Variants in ARMH4 observed in about 807,000 individuals in gnomAD.
ARMH4 encodes the protein armadillo like helical domain containing 4.
A neutral mutation model predicts 61.9 loss-of-function variants in ARMH4; 49 were observed. The observed-to-expected ratio is 0.79, with a 90% CI of 0.63 to 1.00. The LOEUF (loss-of-function observed/expected upper bound fraction) is 1.00, where lower values mean the gene tolerates loss of function less well. ARMH4 is among the 50% of genes least tolerant of loss of function. ARMH4 has a pLI of 0.00. For missense variants in ARMH4, 934 were observed against 930.0 expected (o/e 1.00, Z -0.06); for synonymous variants, 368 against 341.5 (o/e 1.08, Z -0.85).
chr14:58,098,274 T>G (rs1037772255), intron 4 of ARMH4, among the ~76,000 whole-genome samples: 2 of 152,316 alleles, frequency 1.3e-5, no homozygotes, highest in Middle Eastern at 3.4e-3. Flanking sequence ...TATTCTTATA[T>G]GTCCTTTAAC....
At chr14:58,129,394 G>T (rs1887008957) in intron 4 of ARMH4, among the ~76,000 whole-genome samples, 1 of 152,126 alleles carries the variant, frequency 6.6e-6, no homozygotes, top group South Asian at 2.1e-4. Flanking sequence ...CCAGAGAAAT[G>T]CTCCTGCCCC....
intron 6 of ARMH4, among the ~76,000 whole-genome samples, chr14:58,009,446 T>C (rs934549099): frequency 6.6e-6 from 1 of 152,076 alleles, no homozygotes; most frequent in Non-Finnish European, 1.5e-5. Flanking sequence ...GAGCATCACA[T>C]AGAAGAAGCT....
At chr14:58,041,031 G>A (rs370216571) in intron 5 of ARMH4, among the ~76,000 whole-genome samples, 36 of 152,314 alleles carry the variant, frequency 2.4e-4, no homozygotes, top group African/African-American at 7.5e-4. Context: ...AGCTCCCAGC[G>A]TGAGCGACGC....
chr14:58,088,455 T>TG (rs1885450546), intron 5 of ARMH4, among the ~76,000 whole-genome samples: 1 of 146,498 alleles, frequency 6.8e-6, no homozygotes, highest in Admixed American at 6.7e-5. Flanking sequence ...TTAGCTAATG[T>TG]GAAAAAAAAA....
chr14:58,102,021 T>G (rs1256358910), intron 4 of ARMH4, among the ~76,000 whole-genome samples: 1 of 152,088 alleles, frequency 6.6e-6, no homozygotes, highest in African/African-American at 2.4e-5. Flanking sequence ...CCTGCTGGGC[T>G]GGGTAGTGGA....
At chr14:58,058,049 G>A (rs150531628) in intron 5 of ARMH4, among the ~76,000 whole-genome samples, 6 of 152,112 alleles carry the variant, frequency 3.9e-5, no homozygotes, top group African/African-American at 1.4e-4. Context: ...TTCAAATCTA[G>A]TTTTCACTTT....
intron 5 of ARMH4, among the ~76,000 whole-genome samples, chr14:58,030,800 T>C (rs931065551): frequency 4.6e-5 from 7 of 152,228 alleles, no homozygotes; most frequent in African/African-American, 1.4e-4. Context: ...ACTTCCTTTT[T>C]AAGCATATGT....
intron 4 of ARMH4, among the ~76,000 whole-genome samples, chr14:58,111,460 G>A (rs1384506969): frequency 6.6e-6 from 1 of 152,220 alleles, no homozygotes; most frequent in East Asian, 1.9e-4. Flanking sequence ...GTGTTAGTAA[G>A]TTTGGGCTGT....
intron 5 of ARMH4, among the ~76,000 whole-genome samples, chr14:58,081,014 A>G (rs1885206196): frequency 6.6e-6 from 1 of 152,048 alleles, no homozygotes; most frequent in South Asian, 2.1e-4. Flanking sequence ...AGGCAGGAGA[A>G]TCACTTGAAC....
chr14:58,113,694 C>A (rs1385837584), intron 4 of ARMH4, among the ~76,000 whole-genome samples: 1 of 151,950 alleles, frequency 6.6e-6, no homozygotes. Flanking sequence ...CTTTCATGTT[C>A]TCTCACTTGT....
rs1200690306 is a variant in ARMH4 at position 58,059,601 on chromosome 14, T to C, written c.2089+37123A>G. On this transcript the variant is annotated intron_variant, in intron 5 of 7. Transcript: ENST00000267485. The stretch of plus-strand genomic sequence containing the variant: ...GGTTCAACTAATACTTAACACTAAT[T>C]ATCTCAAAAGTACCTTGTAAATACC... Among the ~76,000 whole-genome samples, 4 of 152,212 alleles carry C rather than the reference T, an allele frequency of 2.6e-5. No individual in the cohort carries two copies. In the East Asian group the frequency reaches 7.7e-4, roughly 29 times the overall value.
intron 4 of ARMH4, among the ~76,000 whole-genome samples, chr14:58,127,907 ATC>A (rs1014587479): frequency 1.4e-4 from 22 of 152,148 alleles, no homozygotes; most frequent in Admixed American, 2.0e-4. Flanking sequence ...GATCTGAGAA[ATC>A]TCTGTTTTTA....
At position 58,134,944 on chromosome 14, in the gene ARMH4, G is replaced by A. The variant is rs1344209830; in HGVS notation, c.1370-1603C>T. 7.9e-5 allele frequency among the ~76,000 whole-genome samples: 11 copies of A among 139,234 alleles called. No individual in the cohort carries two copies. In the East Asian group the frequency reaches 2.2e-3, roughly 28 times the overall value. The allele number at this position is 139,234 out of a possible 152,430, so 91.3% of individuals were successfully genotyped here. A position where few individuals can be genotyped will look rare whatever the true frequency, so the allele number is the denominator to read the frequency against. On this transcript the variant is annotated intron_variant, in intron 2 of 7. Coordinates refer to ENST00000267485, the MANE Select transcript of ARMH4 (RefSeq NM_001001872.4). ...TACACTCCAGCCTAGATGACAGAGG[G>A]AGACTCTGTCTCAAAAAAAAAAAAA...
intron 5 of ARMH4, among the ~76,000 whole-genome samples, chr14:58,024,691 A>G (rs1882960796): frequency 1.3e-5 from 2 of 152,162 alleles, no homozygotes; most frequent in Admixed American, 1.3e-4. Context: ...TAACATTTAT[A>G]GCCTTTGATT....
intron 5 of ARMH4, among the ~76,000 whole-genome samples, chr14:58,073,914 A>C (rs1884964370): frequency 6.6e-6 from 1 of 152,238 alleles, no homozygotes; most frequent in South Asian, 2.1e-4. Context: ...TAGAGGAACA[A>C]ACAAGATGTG....
intron 3 of ARMH4, among the ~76,000 whole-genome samples, chr14:58,132,119 A>G (rs1887129901): frequency 6.6e-6 from 1 of 152,246 alleles, no homozygotes; most frequent in African/African-American, 2.4e-5. Context: ...AAATCAAGTC[A>G]TAGAGTAAGA....
rs115309130 is a variant in ARMH4, at chr14:58,131,329, C to G, written c.1831+183G>C. 6.1e-6 allele frequency: 3 copies of G among 488,696 alleles called. No individual in the cohort carries two copies. In the Admixed American group the frequency reaches 1.1e-4, roughly 18 times the overall value. 30.3% of individuals were successfully genotyped at this position (488,696 alleles called of 1,614,324 possible). ...TTTCAATCATTTCAAAATGTAAAAA[C>G]CATTCTTAGCTTACAAACCATTCAA... On this transcript the variant is annotated intron_variant, in intron 4 of 7. Transcript: ENST00000267485.
At position 58,001,627 on chromosome 14, in the gene ARMH4, G is replaced by T. The variant is rs1238113265; in HGVS notation, c.*3109C>A. 6.6e-6 allele frequency: 1 copy of T among 152,132 alleles called. No individual in the cohort carries two copies. The highest frequency in any genetic ancestry group is 1.9e-4 in the East Asian group (1 of 5,190). 9.4% of individuals were successfully genotyped at this position (152,132 alleles called of 1,614,324 possible). On this transcript the variant is annotated 3_prime_UTR_variant, in exon 8 of 8. Coordinates refer to ENST00000267485, the MANE Select transcript of ARMH4 (RefSeq NM_001001872.4). Reference sequence around the variant, plus strand: ...TAGGTGTGAGGTGGTATCTCATTGTGACTTTAAATGACCTTGTCTCTATCA... The same window carrying T: ...TAGGTGTGAGGTGGTATCTCATTGTTACTTTAAATGACCTTGTCTCTATCA...
chr14:58,026,877 G>A (rs1370931166), intron 5 of ARMH4, among the ~76,000 whole-genome samples: 1 of 152,188 alleles, frequency 6.6e-6, no homozygotes, highest in Non-Finnish European at 1.5e-5. Context: ...TACTGACCAA[G>A]TGGCTGTAGT....
Sources: gnomAD v4.1 joint callset for allele counts (sites outside exome capture counted in the v4.1 genomes callset) on GRCh38, gnomAD v4.1.1 for gene constraint, MANE v1.5 for transcripts, NCBI Gene and HGNC (gene_info 2026-07-23, HGNC 2026-07-21) for gene names.